The following MTOR variants were observed in gnomAD, a reference collection of about 807,000 sequenced individuals.
MTOR encodes the protein mechanistic target of rapamycin kinase, also known as serine/threonine-protein kinase mTOR.
In MTOR, 70 loss-of-function variants were observed where a neutral mutation model predicts 319.8. That is an observed-to-expected ratio of 0.22 (90% confidence interval 0.18 to 0.27). The LOEUF (loss-of-function observed/expected upper bound fraction) is 0.27. Among genes scored for constraint, MTOR ranks in the 10% least tolerant of loss-of-function variants. The pLI, the probability that MTOR is intolerant of heterozygous loss-of-function variation, is 1.00. For synonymous variants in MTOR, 1,183 were observed against 1,211.4 expected, an observed-to-expected ratio of 0.98 and a Z score of 0.49; for missense variants, 1,890 against 3,274.4, an observed-to-expected ratio of 0.58 and a Z score of 10.32.
intron 56 of MTOR, among the ~76,000 whole-genome samples, chr1:11,108,880 C>T (rs771675538): frequency 2.7e-5 from 4 of 150,596 alleles, no homozygotes; most frequent in African/African-American, 4.9e-5. Flanking sequence ...CCCAGCTACT[C>T]GGGAGGCTGA....
chr1:11,198,094 A>G (rs1166234522), intron 28 of MTOR, among the ~76,000 whole-genome samples: 1 of 152,214 alleles, frequency 6.6e-6, no homozygotes, highest in Non-Finnish European at 1.5e-5. Context: ...TTAATATGCA[A>G]AATGAGTTAT....
rs1641738942 is a variant in MTOR at position 11,109,344 on chromosome 1, C to A, written c.7474G>T (p.Ala2492Ser). The A allele has an allele frequency of 6.2e-7, 1 of 1,614,178 alleles. No homozygotes were observed. Among genetic ancestry groups the A allele is most frequent in the Non-Finnish European group, 8.5e-7 (1 of 1,180,024 alleles). Residue 2492 changes from alanine to serine, a missense_variant, in exon 56 of 58, where the codon GCC (alanine) becomes TCC (serine). Physicochemically the swap from Ala to Ser is moderately conservative, Grantham distance 99. Coordinates refer to ENST00000361445, the MANE Select transcript of MTOR (RefSeq NM_004958.4). The surrounding 1 kb of genome is among the most constrained non-coding windows in gnomAD (Gnocchi z 4.0). ...FIGDGLVKPE[A>S]LNKKAIQIIN... ...ATCTGGATAGCTTTCTTATTTAGGGCCTCTGGTTTCACCAAACCGTCTCCA... is the reference window on the plus strand; with the variant it reads ...ATCTGGATAGCTTTCTTATTTAGGGACTCTGGTTTCACCAAACCGTCTCCA...
intron 9 of MTOR, among the ~76,000 whole-genome samples, chr1:11,241,901 T>A (rs1270968656): frequency 1.3e-5 from 2 of 152,160 alleles, no homozygotes; most frequent in Admixed American, 6.5e-5. Context: ...TAAAGTGTCT[T>A]AAGGAAGGGG....
intron 10 of MTOR, 55 bp downstream of exon 10, chr1:11,241,498 A>G (rs1253261204): frequency 1.3e-6 from 2 of 1,559,370 alleles, no homozygotes; most frequent in Admixed American, 3.8e-5. Context: ...CAGTCCCAAC[A>G]CTGGGGGCCA....
intron 25 of MTOR, among the ~76,000 whole-genome samples, chr1:11,207,487 C>T (rs1226221229): frequency 6.9e-6 from 1 of 144,970 alleles, no homozygotes; most frequent in African/African-American, 2.5e-5. Context: ...TAGCTCACTG[C>T]ACCCTGGAAC....
chr1:11,184,870 C>T (rs1174697561), intron 28 of MTOR, among the ~76,000 whole-genome samples: 2 of 152,210 alleles, frequency 1.3e-5, no homozygotes, highest in Non-Finnish European at 2.9e-5. Flanking sequence ...CAGTCCCGCT[C>T]CTCACCTGGG....
intron 28 of MTOR, chr1:11,189,578 A>AGATGCT (rs761059037): frequency 6.3e-7 from 1 of 1,592,838 alleles, no homozygotes; most frequent in African/African-American, 1.3e-5. Context: ...AACCCACAAA[A>AGATGCT]GATGCTGAAA....
intron 30 of MTOR, among the ~76,000 whole-genome samples, chr1:11,155,414 CA>C (rs906152603): frequency 1.0e-4 from 15 of 148,450 alleles, no homozygotes; most frequent in South Asian, 2.1e-4. Context: ...AAAATGGCAG[CA>C]AAAAAAAAAT....
At chr1:11,232,334 C>G (rs1250704345) in intron 16 of MTOR, 102 bp downstream of exon 16, 4 of 746,706 alleles carry the variant, frequency 5.4e-6, no homozygotes, top group Non-Finnish European at 8.9e-6. Context: ...GTGTCACACT[C>G]TGTTCTAGGC....
rs759337056 is a variant in MTOR, at chr1:11,247,888, G to T, written c.1047C>A (p.Pro349=). ...CCACCAGGGTGGACTTAGCTGGACT[G>T]GGGGAGGTCCCAAATCCCATGAGGC... ...HQGLMGFGTS[P]SPAKSTLVES... is the part of the protein sequence containing the mutation. The change falls in exon 7 of 58, where the codon CCC becomes CCA. Residue 349 remains proline, a synonymous_variant. Transcript: ENST00000361445. 12 of 1,614,062 alleles carry T rather than the reference G, an allele frequency of 7.4e-6. No homozygotes were observed. The South Asian group carries it at 9.9e-5, about 13-fold the overall frequency.
At chr1:11,125,165 A>G (rs749575326) in intron 46 of MTOR, among the ~76,000 whole-genome samples, 3 of 152,094 alleles carry the variant, frequency 2.0e-5, no homozygotes, top group Admixed American at 6.5e-5. Context: ...TTGCTCTTTC[A>G]GTTCTGGAGT....
rs1644953440 is a variant in MTOR at position 11,175,491 on chromosome 1, GAACT to G, written c.4254-7978_4254-7975del. The stretch of plus-strand genomic sequence containing the variant: ...GGAAAACATTTTCTAGAGCTGAGCA[GAACT>G]AATACTAAGAAATTGCCTTGCTGCC... On this transcript the variant is annotated intron_variant, in intron 28 of 57. Coordinates refer to ENST00000361445, the MANE Select transcript of MTOR (RefSeq NM_004958.4). 2.0e-5 allele frequency among the ~76,000 whole-genome samples: 3 copies of G among 152,328 alleles called. No homozygotes were observed. The South Asian group carries it at 6.2e-4, about 32-fold the overall frequency.
At chr1:11,256,328 T>C in intron 4 of MTOR, 136 bp from the exon 5 acceptor site, 1 of 1,448,564 alleles carries the variant, frequency 6.9e-7, no homozygotes. Context: ...TAGGAAATTC[T>C]GAGGACAGAG....
chr1:11,169,282 C>T (rs1644738568), intron 28 of MTOR, among the ~76,000 whole-genome samples: 1 of 152,202 alleles, frequency 6.6e-6, no homozygotes, highest in East Asian at 1.9e-4. Context: ...CAATCCATCA[C>T]TTCTTTGACC....
intron 13 of MTOR, among the ~76,000 whole-genome samples, chr1:11,237,411 C>T (rs1465955149): frequency 3.3e-5 from 5 of 152,086 alleles, no homozygotes; most frequent in Admixed American, 6.6e-5. Flanking sequence ...ATAGTGGAAA[C>T]GGTCTCACAC....
At chr1:11,147,330 A>G (rs1243568969) in intron 31 of MTOR, among the ~76,000 whole-genome samples, 1 of 152,108 alleles carries the variant, frequency 6.6e-6, no homozygotes. Flanking sequence ...ATTTTAAGCG[A>G]CTCCATTATA....
At chr1:11,220,531 A>G (rs1254158634) in intron 19 of MTOR, among the ~76,000 whole-genome samples, 2 of 152,230 alleles carry the variant, frequency 1.3e-5, no homozygotes, top group Non-Finnish European at 1.5e-5. Context: ...AGAAAGCTCT[A>G]ATATGGAAGA....
chr1:11,128,253 A>T lies in MTOR; in HGVS notation c.5911-127T>A, dbSNP rs1007095270. The T allele has an allele frequency of 3.6e-6, 5 of 1,405,728 alleles. No individual in the cohort carries two copies. Among genetic ancestry groups the T allele is most frequent in the Non-Finnish European group, 4.9e-6 (5 of 1,026,494 alleles). 87.1% of individuals were successfully genotyped at this position (1,405,728 alleles called of 1,614,324 possible). On this transcript the variant is annotated intron_variant, in intron 42 of 57. Coordinates refer to ENST00000361445, the MANE Select transcript of MTOR (RefSeq NM_004958.4). This position sits in a 1 kb window ranked among gnomAD's most constrained non-coding sequence, Gnocchi z 5.3. ...TTAACATCTGCTTGAGACTACCAGGAAGGGGCTCAGTCTTCGAGGGAACGC... is the reference window on the plus strand; with the variant it reads ...TTAACATCTGCTTGAGACTACCAGGTAGGGGCTCAGTCTTCGAGGGAACGC...
chr1:11,110,834 C>T (rs528564420), intron 54 of MTOR, among the ~76,000 whole-genome samples: 1 of 152,188 alleles, frequency 6.6e-6, no homozygotes, highest in Non-Finnish European at 1.5e-5. Context: ...CAACACCCAG[C>T]TGGAATTTAA....
Sources: gnomAD v4.1 joint callset for allele counts (sites outside exome capture counted in the v4.1 genomes callset) on GRCh38, gnomAD v4.1.1 for gene constraint, Gnocchi (gnomAD v3.1) non-coding constraint, MANE v1.5 for transcripts, NCBI Gene and HGNC (gene_info 2026-07-23, HGNC 2026-07-21) for gene names.